Variants in PSME4 observed in about 807,000 individuals in gnomAD.
PSME4 encodes proteasome activator subunit 4, also known as proteasome activator complex subunit 4.
A neutral mutation model predicts 253.9 loss-of-function variants in PSME4; 89 were observed. The observed-to-expected ratio is 0.35, with a 90% CI of 0.30 to 0.42. The LOEUF (loss-of-function observed/expected upper bound fraction) is 0.42, where lower values mean the gene tolerates loss of function less well. Among genes scored for constraint, PSME4 ranks in the 10% least tolerant of loss-of-function variants. The probability of loss-of-function intolerance (pLI) is 1.00; values close to 1 mark genes in which losing one functional copy is unlikely to be tolerated. For missense variants in PSME4, 2,014 were observed against 2,195.2 expected (o/e 0.92, Z 1.65); for synonymous variants, 851 against 759.2 (o/e 1.12, Z -1.99).
Position 53,960,221 on chromosome 2 carries a change from G to A in PSME4, c.242+10322C>T, listed in dbSNP as rs181973753. Among the ~76,000 whole-genome samples, 1,220 of 151,924 alleles carry A rather than the reference G, an allele frequency of 8.0e-3. 18 individuals carry two copies. Among genetic ancestry groups the A allele is most frequent in the African/African-American group, 0.027 (1,133 of 41,420 alleles). On this transcript the variant is annotated intron_variant, in intron 1 of 46. Transcript: ENST00000404125. The stretch of plus-strand genomic sequence containing the variant: ...TCCAGACCAGCCTGGCCAACATGGC[G>A]AAACCCATCTCTACTAAAAATACAA...
At chr2:53,880,333 G>A (rs756372493) in intron 41 of PSME4, among the ~76,000 whole-genome samples, 1 of 151,966 alleles carries the variant, frequency 6.6e-6, no homozygotes, top group African/African-American at 2.4e-5. Context: ...GCTGGCACAC[G>A]AAGGTACTTC....
intron 1 of PSME4, among the ~76,000 whole-genome samples, chr2:53,960,432 T>C (rs1670433358): frequency 6.7e-6 from 1 of 148,208 alleles, no homozygotes; most frequent in Non-Finnish European, 1.5e-5. Flanking sequence ...AGGAGACAGC[T>C]CTAGCTAGAG....
chr2:53,948,993 T>C, intron 2 of PSME4, 150 bp downstream of exon 2: 1 of 1,116,802 alleles, frequency 9.0e-7, no homozygotes, highest in Non-Finnish European at 1.2e-6. Context: ...ACTGACACAT[T>C]TGATGAAAAT....
Position 53,932,661 on chromosome 2 carries a change from T to C in PSME4, c.1050+7A>G, listed in dbSNP as rs1418092406. On this transcript the variant is annotated splice_region_variant and intron_variant, in intron 9 of 46. Transcript: ENST00000404125. Reference sequence around the variant, plus strand: ...CAAGCCCTATAATGCAAAACGAAGTTACTCACCAGCCAGCGCCCATTATTT... The same window carrying C: ...CAAGCCCTATAATGCAAAACGAAGTCACTCACCAGCCAGCGCCCATTATTT... 6 of 1,601,450 alleles carry C rather than the reference T, an allele frequency of 3.7e-6. No homozygotes were observed. The highest frequency in any genetic ancestry group is 1.1e-5 in the South Asian group (1 of 90,804).
intron 41 of PSME4, among the ~76,000 whole-genome samples, chr2:53,883,697 T>G (rs1679501993): frequency 6.6e-6 from 1 of 152,262 alleles, no homozygotes; most frequent in African/African-American, 2.4e-5. Flanking sequence ...CTCTATTTGT[T>G]GTGTTCTCAT....
At chr2:53,903,985 T>C in intron 27 of PSME4, 40 bp downstream of exon 27, 1 of 1,529,906 alleles carries the variant, frequency 6.5e-7, no homozygotes, top group Non-Finnish European at 8.9e-7. Context: ...TTCAGTATGT[T>C]TGAAAATGTT....
rs557014747 is a variant in PSME4 at position 53,883,489 on chromosome 2, G to A, written c.4815+2201C>T. On this transcript the variant is annotated intron_variant, in intron 41 of 46. Transcript: ENST00000404125. ...CAGTGAGACTGTCTCAGAAAAAAGC[G>A]GTGGGGGGGTGCGGGGTCCATGTGA... Among the ~76,000 whole-genome samples, 8 of 152,284 alleles carry A rather than the reference G, an allele frequency of 5.3e-5. No individual in the cohort carries two copies. In the South Asian group the frequency reaches 1.5e-3, roughly 28 times the overall value.
rs1558690145 is a variant in PSME4, at chr2:53,925,944, G to A, written c.1658+15C>T. 6.2e-7 allele frequency: 1 copy of A among 1,604,884 alleles called. No homozygotes were observed. On this transcript the variant is annotated intron_variant, in intron 13 of 46. Coordinates refer to ENST00000404125, the MANE Select transcript of PSME4 (RefSeq NM_014614.3). ...TAGAATTTCAGCTAAACGTTGGTGTGGGTTACAAGCTCACCTGTCCATAAA... is the reference window on the plus strand; with the variant it reads ...TAGAATTTCAGCTAAACGTTGGTGTAGGTTACAAGCTCACCTGTCCATAAA...
chr2:53,920,525 G>C (rs183802218), intron 18 of PSME4, among the ~76,000 whole-genome samples, 175 bp from the exon 19 acceptor site: 1 of 152,100 alleles, frequency 6.6e-6, no homozygotes, highest in Non-Finnish European at 1.5e-5. Flanking sequence ...CTGCCTCTTC[G>C]TTATCACTCC....
At chr2:53,899,167 C>G (rs919667119) in intron 29 of PSME4, among the ~76,000 whole-genome samples, 1 of 152,044 alleles carries the variant, frequency 6.6e-6, no homozygotes, top group African/African-American at 2.4e-5. Flanking sequence ...CAGGTTCAAG[C>G]GATCCTCCCA....
chr2:53,924,772 C>T (rs182901189), intron 14 of PSME4, among the ~76,000 whole-genome samples: 22 of 152,256 alleles, frequency 1.4e-4, no homozygotes, highest in Non-Finnish European at 2.1e-4. Flanking sequence ...ATCCCCCCTG[C>T]GACAGTTGTT....
intron 14 of PSME4, among the ~76,000 whole-genome samples, chr2:53,924,805 G>A (rs1181074305): frequency 6.6e-6 from 1 of 152,024 alleles, no homozygotes; most frequent in Non-Finnish European, 1.5e-5. Flanking sequence ...TGGTAGTCAT[G>A]TTCTATAAAT....
At chr2:53,886,063 T>C (rs1189988205) in intron 40 of PSME4, among the ~76,000 whole-genome samples, 3 of 152,116 alleles carry the variant, frequency 2.0e-5, no homozygotes, top group Non-Finnish European at 4.4e-5. Flanking sequence ...TGATAAGGGA[T>C]TGATATTAGA....
intron 27 of PSME4, among the ~76,000 whole-genome samples, chr2:53,902,929 G>A (rs1047459411): frequency 7.2e-5 from 11 of 152,138 alleles, no homozygotes; most frequent in South Asian, 2.1e-4. Context: ...TTTAGGGCTC[G>A]TCTTCATTAT....
At chr2:53,928,032 C>G in intron 11 of PSME4, 85 bp downstream of exon 11, 1 of 1,013,068 alleles carries the variant, frequency 9.9e-7, no homozygotes, top group South Asian at 1.8e-5. Flanking sequence ...TAGGCTTATG[C>G]ACAAACTTCT....
chr2:53,905,634 A>T (rs1680622098), intron 26 of PSME4, among the ~76,000 whole-genome samples: 1 of 152,130 alleles, frequency 6.6e-6, no homozygotes, highest in African/African-American at 2.4e-5. Context: ...CTCAAGCCCA[A>T]GGCTACAAGG....
chr2:53,904,836 A>G (rs947891830), intron 26 of PSME4, among the ~76,000 whole-genome samples: 5 of 151,520 alleles, frequency 3.3e-5, no homozygotes, highest in Non-Finnish European at 5.9e-5. Flanking sequence ...TAAAAATACA[A>G]AATTAGCCAG....
intron 36 of PSME4, among the ~76,000 whole-genome samples, 161 bp from the exon 37 acceptor site, chr2:53,890,369 T>A (rs1020893409): frequency 6.6e-6 from 1 of 152,292 alleles, no homozygotes; most frequent in South Asian, 2.1e-4. Context: ...TGCAGTGGAA[T>A]GATCATACCT....
intron 1 of PSME4, among the ~76,000 whole-genome samples, chr2:53,965,009 T>G (rs1185892311): frequency 2.0e-5 from 3 of 152,138 alleles, no homozygotes; most frequent in Non-Finnish European, 4.4e-5. Context: ...AACATGTCAC[T>G]GTAGCAAACA....
Sources: gnomAD v4.1 joint callset for allele counts (sites outside exome capture counted in the v4.1 genomes callset) on GRCh38, gnomAD v4.1.1 for gene constraint, MANE v1.5 for transcripts, NCBI Gene and HGNC (gene_info 2026-07-23, HGNC 2026-07-21) for gene names.